CACNA1S: variants seen among roughly 807,000 people sequenced by gnomAD.
CACNA1S encodes the protein calcium voltage-gated channel subunit alpha1 S.
A neutral mutation model predicts 207.4 loss-of-function variants in CACNA1S; 126 were observed. The ratio of observed to expected loss-of-function variants is 0.61; its 90% CI spans 0.53 to 0.70. CACNA1S has a LOEUF of 0.70. Ranked by LOEUF, CACNA1S falls within the 30% of genes least tolerant of loss-of-function variation. CACNA1S has a pLI of 0.00. For synonymous variants in CACNA1S, 960 were observed against 932.7 expected (o/e 1.03, Z -0.53); for missense variants, 2,349 against 2,422.8 (o/e 0.97, Z 0.64).
At chr1:201,077,737 C>A in intron 11 of CACNA1S, 142 bp downstream of exon 11, 1 of 617,294 alleles carries the variant, frequency 1.6e-6, no homozygotes. Flanking sequence ...GAGGTTATTT[C>A]AAGGAGGGAG....
chr1:201,095,720 T>C (rs1372649357), intron 2 of CACNA1S, among the ~76,000 whole-genome samples: 2 of 152,232 alleles, frequency 1.3e-5, no homozygotes, highest in East Asian at 3.8e-4. Context: ...TGCAAAGCCA[T>C]GCCATTCTGT....
intron 19 of CACNA1S, among the ~76,000 whole-genome samples, chr1:201,068,094 C>T (rs113578147): frequency 5.3e-5 from 8 of 152,086 alleles, no homozygotes; most frequent in Middle Eastern, 3.4e-3. Context: ...GTGGAAAAGG[C>T]GTGATAGGGC....
intron 10 of CACNA1S, 85 bp from the exon 11 acceptor site, chr1:201,078,189 A>G (rs1661703276): frequency 2.8e-6 from 3 of 1,067,364 alleles, no homozygotes; most frequent in Non-Finnish European, 4.4e-6. Context: ...GCCTCAACCC[A>G]GGACGCCCCT....
chr1:201,074,451 A>T (rs1045375889), intron 14 of CACNA1S, 55 bp downstream of exon 14: 2 of 1,095,138 alleles, frequency 1.8e-6, no homozygotes, highest in African/African-American at 3.1e-5. Flanking sequence ...CAGAGCTGGA[A>T]GGCCATGGCC....
intron 28 of CACNA1S, among the ~76,000 whole-genome samples, 177 bp downstream of exon 28, chr1:201,058,231 C>T (rs548432392): frequency 2.6e-5 from 4 of 152,352 alleles, no homozygotes; most frequent in Admixed American, 2.6e-4. Context: ...ATCTGAGTTA[C>T]CTCTCTGCCC....
chr1:201,094,862 C>T (rs1186901472), intron 2 of CACNA1S, among the ~76,000 whole-genome samples: 1 of 152,128 alleles, frequency 6.6e-6, no homozygotes, highest in African/African-American at 2.4e-5. Flanking sequence ...TAGCCTGATC[C>T]TCTGGGTTAC....
In CACNA1S at chr1:201,053,503, C is replaced by T. The variant is rs1210874568; in HGVS notation, c.3751G>A (p.Glu1251Lys). The T allele has an allele frequency of 1.2e-6, 2 of 1,614,196 alleles. No homozygotes were observed. ...MRLIKLLSRA[E>K]GVRTLLWTFI... The stretch of plus-strand genomic sequence containing the variant: ...GTCCACAGGAGGGTTCGCACTCCTT[C>T]TGCCCGGCTCAGCAGCTTGATCAGC... Residue 1251 changes from glutamate to lysine, a missense_variant, in exon 30 of 44, where the codon GAA (glutamate) becomes AAA (lysine). Transcript: ENST00000362061. The surrounding 1 kb of genome is among the most constrained non-coding windows in gnomAD (Gnocchi z 5.1).
Position 201,065,918 on chromosome 1 carries a change from T to C in CACNA1S, c.2773A>G (p.Ile925Val), listed in dbSNP as rs138708497. The change falls in exon 22 of 44, where the codon ATC becomes GTC. Residue 925 changes from isoleucine (I) to valine (V), a missense_variant. Coordinates refer to ENST00000362061, the MANE Select transcript of CACNA1S (RefSeq NM_000069.3). The part of the protein sequence containing the change: ...KHVVQCMFVA[I>V]STIGNIVLVT... ...AGCACGATGTTCCCGATGGTGCTGATGGCCACGAACATGCACTGCACCACG... is the reference window on the plus strand; with the variant it reads ...AGCACGATGTTCCCGATGGTGCTGACGGCCACGAACATGCACTGCACCACG... 12 of 1,613,890 alleles carry C rather than the reference T, an allele frequency of 7.4e-6. No individual in the cohort carries two copies. In the African/African-American group the frequency reaches 1.2e-4, roughly 16 times the overall value.
intron 28 of CACNA1S, 79 bp downstream of exon 28, chr1:201,058,329 G>T: frequency 8.2e-7 from 1 of 1,217,266 alleles, no homozygotes; most frequent in Non-Finnish European, 1.2e-6. Flanking sequence ...ACACACAGTG[G>T]GCACCCCACA....
chr1:201,061,542 C>T, intron 24 of CACNA1S, 74 bp from the exon 25 acceptor site: 2 of 1,382,392 alleles, frequency 1.4e-6, no homozygotes, highest in East Asian at 2.3e-5. Flanking sequence ...GAAGGATGGG[C>T]TTTATCCCAC....
chr1:201,041,586 G>A lies in CACNA1S; in HGVS notation c.5052C>T (p.Val1684=). ...NHSNSHVFSS[V]HYEREFPEET... The stretch of plus-strand genomic sequence containing the variant: ...CTTCTGGGAACTCCCTTTCATAGTG[G>A]ACACTGAAATGGAAGCAAGGCTGGG... Residue 1684 remains valine, a synonymous_variant, in exon 41 of 44, where the codon GTC becomes GTT. Coordinates refer to ENST00000362061, the MANE Select transcript of CACNA1S (RefSeq NM_000069.3). 6.2e-7 allele frequency: 1 copy of A among 1,611,942 alleles called. No individual in the cohort carries two copies. Among genetic ancestry groups the A allele is most frequent in the South Asian group, 1.1e-5 (1 of 91,006 alleles).
intron 2 of CACNA1S, among the ~76,000 whole-genome samples, chr1:201,102,943 A>C (rs1290797544): frequency 6.6e-6 from 1 of 152,184 alleles, no homozygotes; most frequent in African/African-American, 2.4e-5. Flanking sequence ...AGGTCAGAGA[A>C]GGAAGGGAAT....
At chr1:201,061,613 G>A (rs1005707189) in intron 24 of CACNA1S, 145 bp from the exon 25 acceptor site, 14 of 796,236 alleles carry the variant, frequency 1.8e-5, no homozygotes, top group Admixed American at 1.6e-4. Flanking sequence ...GAGTTAGGTC[G>A]GCGCCAGGAA....
chr1:201,041,861 C>A, intron 40 of CACNA1S: 1 of 517,350 alleles, frequency 1.9e-6, no homozygotes, highest in Non-Finnish European at 3.5e-6. Context: ...CAAGGCCCAG[C>A]TGCAGCCTCC....
At position 201,108,585 on chromosome 1, in the gene CACNA1S, C is replaced by T. The variant is rs1048257381; in HGVS notation, c.258+1579G>A. 2.0e-5 allele frequency among the ~76,000 whole-genome samples: 3 copies of T among 152,118 alleles called. 1 individual carries two copies. Among genetic ancestry groups the T allele is most frequent in the South Asian group, 4.1e-4 (2 of 4,822 alleles). ...TAGAATGCCCAGAGTTTAAGAAATG[C>T]CTTCCTTGCCGGCAAAGGTGGCATT... On this transcript the variant is annotated intron_variant, in intron 2 of 43. Transcript: ENST00000362061.
chr1:201,081,453 T>G (rs949334310), intron 10 of CACNA1S, among the ~76,000 whole-genome samples: 4 of 152,240 alleles, frequency 2.6e-5, no homozygotes, highest in Non-Finnish European at 4.4e-5. Context: ...CGTCTCACGG[T>G]CCAGAGCTTC....
intron 22 of CACNA1S, among the ~76,000 whole-genome samples, chr1:201,064,078 T>C (rs1369075723): frequency 6.6e-6 from 1 of 152,214 alleles, no homozygotes; most frequent in African/African-American, 2.4e-5. Flanking sequence ...GCAATTGCTC[T>C]TGCTTGTCTG....
chr1:201,053,391 C>G lies in CACNA1S; in HGVS notation c.3795+68G>C, dbSNP rs775163809. On this transcript the variant is annotated intron_variant, in intron 30 of 43. Coordinates refer to ENST00000362061, the MANE Select transcript of CACNA1S (RefSeq NM_000069.3). The surrounding 1 kb of genome is among the most constrained non-coding windows in gnomAD (Gnocchi z 5.1). Reference sequence around the variant, plus strand: ...TGCCCAGGGCTCCCCTGGGGCCCACCCTGGGCTGAGGCAGATGTCCCTAGT... The same window carrying G: ...TGCCCAGGGCTCCCCTGGGGCCCACGCTGGGCTGAGGCAGATGTCCCTAGT... 4.8e-4 allele frequency: 772 copies of G among 1,613,366 alleles called. 8 individuals are homozygous for G. The highest frequency in any genetic ancestry group is 2.5e-4 in the Admixed American group (15 of 60,010).
chr1:201,052,522 G>T, intron 32 of CACNA1S, 35 bp downstream of exon 32: 2 of 1,523,592 alleles, frequency 1.3e-6, no homozygotes, highest in Non-Finnish European at 1.8e-6. Flanking sequence ...GGACTGGTCA[G>T]CGGGGTAGGG....
Sources: allele counts gnomAD v4.1 joint callset (sites outside exome capture counted in the v4.1 genomes callset), GRCh38; gene constraint gnomAD v4.1.1; non-coding constraint Gnocchi (gnomAD v3.1); transcripts MANE v1.5; gene names NCBI Gene and HGNC (gene_info 2026-07-23, HGNC 2026-07-21).